The following ADGRL2 variants were observed in gnomAD, a reference collection of about 807,000 sequenced individuals.
ADGRL2 encodes adhesion G protein-coupled receptor L2.
In ADGRL2, 44 loss-of-function variants were observed where a neutral mutation model predicts 157.4. That is an observed-to-expected ratio of 0.28 (90% CI 0.22 to 0.36). The LOEUF is 0.36. ADGRL2 is among the 10% of genes least tolerant of loss of function. The pLI is 1.00. For missense variants in ADGRL2, 1,510 were observed against 1,768.9 expected (o/e 0.85, Z 2.63); for synonymous variants, 585 against 624.7 (o/e 0.94, Z 0.95).
chr1:81,553,226 C>CTATTA (rs1424713735), intron 2 of ADGRL2, among the ~76,000 whole-genome samples: 1 of 152,116 alleles, frequency 6.6e-6, no homozygotes, highest in Non-Finnish European at 1.5e-5. Context: ...TCTTGATCCA[C>CTATTA]TATGCCATTT....
chr1:81,320,551 T>A (rs985706484), intron 1 of ADGRL2, among the ~76,000 whole-genome samples: 13 of 152,236 alleles, frequency 8.5e-5, no homozygotes, highest in African/African-American at 3.1e-4. Flanking sequence ...GAAGAATGGA[T>A]GTTGTGTTAG....
chr1:81,340,389 T>C (rs575719995), intron 1 of ADGRL2, among the ~76,000 whole-genome samples: 14 of 152,304 alleles, frequency 9.2e-5, no homozygotes, highest in South Asian at 6.2e-4. Context: ...CAACTTGTGC[T>C]TGCCCCAGGT....
chr1:81,383,591 T>G (rs1489978937), intron 1 of ADGRL2, among the ~76,000 whole-genome samples: 2 of 151,486 alleles, frequency 1.3e-5, no homozygotes, highest in African/African-American at 4.8e-5. Flanking sequence ...TCTGCAAAAT[T>G]TTAAAGGCCT....
chr1:81,932,593 C>G (rs1252614033), intron 3 of ADGRL2, among the ~76,000 whole-genome samples: 1 of 152,196 alleles, frequency 6.6e-6, no homozygotes, highest in Non-Finnish European at 1.5e-5. Flanking sequence ...TTGCACTGAT[C>G]AGAGTCACCT....
chr1:81,477,522 C>G (rs1557719433), intron 2 of ADGRL2, among the ~76,000 whole-genome samples: 1 of 152,174 alleles, frequency 6.6e-6, no homozygotes, highest in Non-Finnish European at 1.5e-5. Flanking sequence ...CGGCTTCCAA[C>G]ACAGGACAGT....
chr1:81,390,003 GT>G (rs2076504774), intron 1 of ADGRL2, among the ~76,000 whole-genome samples: 1 of 152,006 alleles, frequency 6.6e-6, no homozygotes, highest in South Asian at 2.1e-4. Flanking sequence ...GATAATACAG[GT>G]TGAGGTAATG....
chr1:81,944,294 A>G (rs950612602), intron 6 of ADGRL2, among the ~76,000 whole-genome samples: 7 of 152,014 alleles, frequency 4.6e-5, no homozygotes, highest in African/African-American at 1.2e-4. Flanking sequence ...TTATTTTCTG[A>G]TAAATTAGTG....
intron 2 of ADGRL2, among the ~76,000 whole-genome samples, chr1:81,458,156 T>C (rs1230970743): frequency 6.6e-6 from 1 of 152,214 alleles, no homozygotes; most frequent in Non-Finnish European, 1.5e-5. Context: ...GACTGTTCTG[T>C]TTGGCAAATA....
At chr1:81,584,620 G>A (rs1195057583) in intron 3 of ADGRL2, among the ~76,000 whole-genome samples, 2 of 151,916 alleles carry the variant, frequency 1.3e-5, no homozygotes, top group African/African-American at 4.8e-5. Flanking sequence ...ATATTTTTTG[G>A]CAATCGCGCT....
In ADGRL2 at chr1:81,993,089, T is replaced by TA. The variant is rs1664895746; in HGVS notation, c.*1944_*1945insA. Among the ~76,000 whole-genome samples, 12 of 21,352 alleles carry TA rather than the reference T, an allele frequency of 5.6e-4. No homozygotes were observed. The highest frequency in any genetic ancestry group is 2.1e-3 in the African/African-American group (8 of 3,888). 14.0% of individuals were successfully genotyped at this position (21,352 alleles called of 152,430 possible). A position where few individuals can be genotyped will look rare whatever the true frequency, so the allele number is the denominator to read the frequency against. Reference sequence around the variant, plus strand: ...TATATATATATATATATATATATATTTTTTTTTTTTTTTTTTTTTTTTTTT... The same window carrying TA: ...TATATATATATATATATATATATATTATTTTTTTTTTTTTTTTTTTTTTTTT... On this transcript the variant is annotated 3_prime_UTR_variant, in exon 24 of 24. Coordinates refer to ENST00000686636, the MANE Select transcript of ADGRL2 (RefSeq NM_001366006.2).
chr1:81,770,630 C>T (rs927730930), intron 2 of ADGRL2, among the ~76,000 whole-genome samples: 5 of 151,976 alleles, frequency 3.3e-5, no homozygotes, highest in Non-Finnish European at 7.4e-5. Flanking sequence ...TGCACCATCA[C>T]GCCCAGCTAA....
At chr1:81,839,914 CATATATATATGATGGAATATATATATATA>C (rs2092482941) in intron 2 of ADGRL2, among the ~76,000 whole-genome samples, 9 of 126,334 alleles carry the variant, frequency 7.1e-5, no homozygotes, top group Admixed American at 5.8e-4. Flanking sequence ...TATTTTCCAT[CATATATATATGATGGAATATATATATATA>C]ATATATATAT....
At chr1:81,412,881 G>A (rs1019653931) in intron 1 of ADGRL2, among the ~76,000 whole-genome samples, 22 of 145,216 alleles carry the variant, frequency 1.5e-4, no homozygotes, top group Non-Finnish European at 2.6e-4. Context: ...TCTAAAAAGA[G>A]GAACTTTGAA....
chr1:81,519,029 C>A (rs1411442233), intron 2 of ADGRL2, among the ~76,000 whole-genome samples: 3 of 152,108 alleles, frequency 2.0e-5, no homozygotes, highest in African/African-American at 7.2e-5. Context: ...TCATTTCAGG[C>A]AGGTGGGTCA....
chr1:81,319,829 G>A (rs777552442), intron 1 of ADGRL2, among the ~76,000 whole-genome samples: 1 of 152,152 alleles, frequency 6.6e-6, no homozygotes, highest in Non-Finnish European at 1.5e-5. Flanking sequence ...GTCTTGCCTC[G>A]ATGTTGGTGG....
chr1:81,658,680 T>C (rs2082587147), intron 3 of ADGRL2, among the ~76,000 whole-genome samples: 2 of 152,218 alleles, frequency 1.3e-5, no homozygotes, highest in Admixed American at 1.3e-4. Flanking sequence ...TGACTTTCTA[T>C]TTCTGAGTTA....
At chr1:81,702,881 G>T (rs891206667) in intron 1 of ADGRL2, among the ~76,000 whole-genome samples, 2 of 152,168 alleles carry the variant, frequency 1.3e-5, no homozygotes, top group Admixed American at 6.5e-5. Context: ...GCTACTAAGG[G>T]ATAGGAGAGA....
At chr1:81,978,078 A>T (rs1233337687) in intron 17 of ADGRL2, among the ~76,000 whole-genome samples, 4 of 146,458 alleles carry the variant, frequency 2.7e-5, no homozygotes, top group South Asian at 2.3e-4. Flanking sequence ...GCATAAAATT[A>T]AAAAAAAAAC....
chr1:81,806,601 T>C (rs1315554567), intron 1 of ADGRL2, among the ~76,000 whole-genome samples: 1 of 152,012 alleles, frequency 6.6e-6, no homozygotes, highest in Non-Finnish European at 1.5e-5. Flanking sequence ...AGTAATAAAA[T>C]GTTATTGCTT....
Sources: allele counts gnomAD v4.1 joint callset (sites outside exome capture counted in the v4.1 genomes callset), GRCh38; gene constraint gnomAD v4.1.1; transcripts MANE v1.5; gene names NCBI Gene and HGNC (gene_info 2026-07-23, HGNC 2026-07-21).